Variants in CCDC117 observed in about 807,000 individuals in gnomAD.
CCDC117 encodes coiled-coil domain containing 117.
CCDC117 carries 1 observed loss-of-function variant against 23.5 expected under a neutral mutation model. The observed-to-expected ratio is 0.04, with a 90% CI of 0.02 to 0.20. The LOEUF (loss-of-function observed/expected upper bound fraction) is 0.20, where lower values mean the gene tolerates loss of function less well. Among genes scored for constraint, CCDC117 ranks in the 10% least tolerant of loss-of-function variants. The pLI, the probability that CCDC117 is intolerant of heterozygous loss-of-function variation, is 1.00. For synonymous variants in CCDC117, 132 were observed against 124.8 expected (o/e 1.06, Z -0.39); for missense variants, 383 against 348.2 (o/e 1.10, Z -0.80).
In CCDC117 at chr22:28,788,716, C is replaced by T. The variant is rs1378085785; in HGVS notation, c.*2390C>T. The T allele has an allele frequency of 2.0e-5, 3 of 152,584 alleles. No homozygotes were observed. The highest frequency in any genetic ancestry group is 4.4e-5 in the Non-Finnish European group (3 of 68,038). The allele number at this position is 152,584 out of a possible 1,614,324, so 9.5% of individuals were successfully genotyped here. On this transcript the variant is annotated 3_prime_UTR_variant, in exon 5 of 5. Transcript: ENST00000249064. The stretch of plus-strand genomic sequence containing the variant: ...CCTTGTGGTGCTTATTCATCTGAGC[C>T]GTCTCCACAGTCCCAATGCCTCTGC...
In CCDC117 at chr22:28,786,418, T is replaced by C. The variant is rs2031512724; in HGVS notation, c.*92T>C. The C allele has an allele frequency of 1.2e-5, 10 of 836,770 alleles. No individual in the cohort carries two copies. Among genetic ancestry groups the C allele is most frequent in the African/African-American group, 1.7e-5 (1 of 58,616 alleles). The allele number at this position is 836,770 out of a possible 1,614,324, so 51.8% of individuals were successfully genotyped here. ...GCATAGTATAGGGACTTGAAAGTTTTATGAGACGGGTGTAATAATATCTCC... is the reference window on the plus strand; with the variant it reads ...GCATAGTATAGGGACTTGAAAGTTTCATGAGACGGGTGTAATAATATCTCC... On this transcript the variant is annotated 3_prime_UTR_variant, in exon 5 of 5. Coordinates refer to ENST00000249064, the MANE Select transcript of CCDC117 (RefSeq NM_173510.4).
intron 2 of CCDC117, among the ~76,000 whole-genome samples, chr22:28,776,674 TC>T: frequency 6.6e-6 from 1 of 151,840 alleles, no homozygotes; most frequent in East Asian, 1.9e-4. Context: ...AACCTCTCCC[TC>T]CCAGCTTCAA....
At position 28,786,120 on chromosome 22, in the gene CCDC117, A is replaced by G; in HGVS notation, c.634A>G (p.Lys212Glu). The G allele has an allele frequency of 6.2e-7, 1 of 1,613,614 alleles. No homozygotes were observed. The highest frequency in any genetic ancestry group is 8.5e-7 in the Non-Finnish European group (1 of 1,179,900). ...TCCTTCCATGGAGCTTGTTCTCTGGAAACCCCTCCCTGAACTCCTTTCTGA... is the reference window on the plus strand; with the variant it reads ...TCCTTCCATGGAGCTTGTTCTCTGGGAACCCCTCCCTGAACTCCTTTCTGA... ...SRPSMELVLW[K>E]PLPELLSDKP... is the part of the protein sequence containing the mutation. Residue 212 changes from lysine (K) to glutamate (E), a missense_variant, in exon 5 of 5, where the codon AAA becomes GAA. Physicochemically the swap from Lys to Glu is moderately conservative, Grantham distance 56. Transcript: ENST00000249064.
intron 2 of CCDC117, among the ~76,000 whole-genome samples, chr22:28,777,490 T>TA (rs985507904): frequency 1.1e-4 from 16 of 152,012 alleles, no homozygotes; most frequent in African/African-American, 3.9e-4. Context: ...TTATAAGTGA[T>TA]ACTGGACATC....
rs1171831112 is a variant in CCDC117 at position 28,787,152 on chromosome 22, T to G, written c.*826T>G. 6.6e-6 allele frequency: 1 copy of G among 152,564 alleles called. No homozygotes were observed. The highest frequency in any genetic ancestry group is 2.4e-5 in the African/African-American group (1 of 41,438). 9.5% of individuals were successfully genotyped at this position (152,564 alleles called of 1,614,324 possible). A position where few individuals can be genotyped will look rare whatever the true frequency, so the allele number is the denominator to read the frequency against. ...CTTTATCAGCTAAACCCAACATTGA[T>G]AACTTTGGTAATTTTTTTAAAAAGT... is the stretch of plus-strand genomic sequence containing the variant. On this transcript the variant is annotated 3_prime_UTR_variant, in exon 5 of 5. Transcript: ENST00000249064.
In CCDC117 at chr22:28,788,427, T is replaced by A. The variant is rs2031580513; in HGVS notation, c.*2101T>A. 6.6e-6 allele frequency: 1 copy of A among 152,416 alleles called. No individual in the cohort carries two copies. The highest frequency in any genetic ancestry group is 6.5e-5 in the Admixed American group (1 of 15,274). 9.4% of individuals were successfully genotyped at this position (152,416 alleles called of 1,614,324 possible). A position where few individuals can be genotyped will look rare whatever the true frequency, so the allele number is the denominator to read the frequency against. Reference sequence around the variant, plus strand: ...AGAAGGACCTAAAACACACCAAGATTGTCTTCTACAGGAATTGCTGGGCAG... The same window carrying A: ...AGAAGGACCTAAAACACACCAAGATAGTCTTCTACAGGAATTGCTGGGCAG... On this transcript the variant is annotated 3_prime_UTR_variant, in exon 5 of 5. Transcript: ENST00000249064.
intron 2 of CCDC117, among the ~76,000 whole-genome samples, chr22:28,775,128 G>A (rs2146244503): frequency 1.3e-5 from 2 of 152,240 alleles, no homozygotes; most frequent in Admixed American, 1.3e-4. Context: ...ATGGGTAGTG[G>A]TGCGTAACTG....
intron 4 of CCDC117, among the ~76,000 whole-genome samples, chr22:28,785,083 T>G (rs748551492): frequency 6.6e-6 from 1 of 151,620 alleles, no homozygotes; most frequent in Non-Finnish European, 1.5e-5. Flanking sequence ...GGTATCTCAT[T>G]ATTTTATGTT....
At chr22:28,782,250 C>CTTTTTTTTTTTT (rs34670753) in intron 3 of CCDC117, among the ~76,000 whole-genome samples, 1 of 80,320 alleles carries the variant, frequency 1.2e-5, no homozygotes, top group African/African-American at 6.1e-5. Context: ...TCTACTGAGC[C>CTTTTTTTTTTTT]TTTTTTTTTT....
At chr22:28,777,369 G>T (rs1033818680) in intron 2 of CCDC117, among the ~76,000 whole-genome samples, 2 of 151,456 alleles carry the variant, frequency 1.3e-5, no homozygotes, top group African/African-American at 4.9e-5. Flanking sequence ...ATCATTGTTT[G>T]TTTTGTAATT....
rs1479069120 is a variant in CCDC117 at position 28,773,613 on chromosome 22, A to G, written c.186-112A>G. The stretch of plus-strand genomic sequence containing the variant: ...TGTACCCATCCCACTAGGCTCAGAA[A>G]GGGACGTTTGGTATGTGGGGATGAG... On this transcript the variant is annotated intron_variant, in intron 1 of 4. Coordinates refer to ENST00000249064, the MANE Select transcript of CCDC117 (RefSeq NM_173510.4). 3.6e-6 allele frequency: 3 copies of G among 827,474 alleles called. No homozygotes were observed. The African/African-American group carries it at 5.1e-5, about 14-fold the overall frequency. 51.3% of individuals were successfully genotyped at this position (827,474 alleles called of 1,614,324 possible).
chr22:28,777,992 C>T (rs147553341), intron 2 of CCDC117, among the ~76,000 whole-genome samples: 1,527 of 151,824 alleles, frequency 0.01, 23 homozygotes, highest in African/African-American at 0.035. Flanking sequence ...ATTACAGGTG[C>T]GTGCCACCAC....
chr22:28,772,769 G>A lies in CCDC117; in HGVS notation c.-81G>A. On this transcript the variant is annotated 5_prime_UTR_variant, in exon 1 of 5. Coordinates refer to ENST00000249064, the MANE Select transcript of CCDC117 (RefSeq NM_173510.4). ...CGGGATCCGAGGCTGGCGGGTTTTGGCAGTAGCTGTGGCTGCGGCTGCCGG... is the reference window on the plus strand; with the variant it reads ...CGGGATCCGAGGCTGGCGGGTTTTGACAGTAGCTGTGGCTGCGGCTGCCGG... 8.9e-7 allele frequency: 1 copy of A among 1,123,814 alleles called. No homozygotes were observed. Among genetic ancestry groups the A allele is most frequent in the African/African-American group, 1.6e-5 (1 of 61,782 alleles). 69.6% of individuals were successfully genotyped at this position (1,123,814 alleles called of 1,614,324 possible). A position where few individuals can be genotyped will look rare whatever the true frequency, so the allele number is the denominator to read the frequency against.
At chr22:28,774,075 T>TG (rs57012112) in intron 2 of CCDC117, among the ~76,000 whole-genome samples, 17,377 of 150,810 alleles carry the variant, frequency 0.12, 1,464 homozygotes, top group East Asian at 0.28. Context: ...TTTTTGTTTT[T>TG]TTTTTTTTTT....
At chr22:28,777,494 G>A (rs2031200039) in intron 2 of CCDC117, among the ~76,000 whole-genome samples, 1 of 151,480 alleles carries the variant, frequency 6.6e-6, no homozygotes, top group Admixed American at 6.6e-5. Flanking sequence ...AAGTGATACT[G>A]GACATCTTTT....
Position 28,772,893 on chromosome 22 carries a change from G to T in CCDC117, c.44G>T (p.Gly15Val). 1 of 1,235,212 alleles carries T rather than the reference G, an allele frequency of 8.1e-7. No homozygotes were observed. The highest frequency in any genetic ancestry group is 1.0e-6 in the Non-Finnish European group (1 of 988,524). 76.5% of individuals were successfully genotyped at this position (1,235,212 alleles called of 1,614,324 possible). ...CCCTTCAGCGGCCTCCCTCTGAGCG[G>T]CGGCTCGGACTTCCTGCAGCCGCCG... is the stretch of plus-strand genomic sequence containing the variant. ...GRPFSGLPLSGGSDFLQPPQP... is the reference protein window; with the variant it reads ...GRPFSGLPLSVGSDFLQPPQP... Residue 15 changes from glycine to valine, a missense_variant, in exon 1 of 5, where the codon GGC becomes GTC. Transcript: ENST00000249064.
At chr22:28,784,401 T>TA (rs751593340) in intron 4 of CCDC117, among the ~76,000 whole-genome samples, 1 of 152,240 alleles carries the variant, frequency 6.6e-6, no homozygotes, top group Non-Finnish European at 1.5e-5. Flanking sequence ...ATTCACTATG[T>TA]AAAATAGTAA....
intron 2 of CCDC117, among the ~76,000 whole-genome samples, chr22:28,775,948 TA>T (rs1202235726): frequency 1.3e-5 from 2 of 151,986 alleles, no homozygotes; most frequent in African/African-American, 4.8e-5. Context: ...AACAACCAAA[TA>T]AAAAAGCGTT....
At chr22:28,785,945 A>G in intron 4 of CCDC117, 144 bp from the exon 5 acceptor site, 1 of 607,542 alleles carries the variant, frequency 1.6e-6, no homozygotes, top group Non-Finnish European at 2.9e-6. Flanking sequence ...AAAAAAAGAA[A>G]GTAAAGATCA....
Sources: allele counts gnomAD v4.1 joint callset (sites outside exome capture counted in the v4.1 genomes callset), GRCh38; gene constraint gnomAD v4.1.1; transcripts MANE v1.5; gene names NCBI Gene and HGNC (gene_info 2026-07-23, HGNC 2026-07-21).